The following STK3 variants were observed in gnomAD, a reference collection of about 807,000 sequenced individuals.
The protein encoded by STK3 is serine/threonine kinase 3, also known as serine/threonine-protein kinase 3.
In STK3, 41 loss-of-function variants were observed where a neutral mutation model predicts 58.0. The ratio of observed to expected loss-of-function variants is 0.71; its 90% CI spans 0.55 to 0.92. The LOEUF (loss-of-function observed/expected upper bound fraction) is 0.92. STK3 is among the 40% of genes least tolerant of loss of function. STK3 has a pLI of 0.00. For synonymous variants in STK3, 170 were observed against 191.0 expected, an observed-to-expected ratio of 0.89 and a Z score of 0.91; for missense variants, 479 against 602.7, an observed-to-expected ratio of 0.79 and a Z score of 2.15.
intron 3 of STK3, among the ~76,000 whole-genome samples, chr8:98,424,488 T>C (rs1227604607): frequency 6.6e-6 from 1 of 151,256 alleles, no homozygotes; most frequent in African/African-American, 2.4e-5. Flanking sequence ...GGGCAAGGAG[T>C]GGCCTCTGTT....
At chr8:98,744,054 T>C (rs974773075) in intron 4 of STK3, among the ~76,000 whole-genome samples, 1 of 151,928 alleles carries the variant, frequency 6.6e-6, no homozygotes, top group African/African-American at 2.4e-5. Context: ...CCAGTTAGAA[T>C]GGCAATCATT....
chr8:98,652,941 A>G (rs1821084436), intron 6 of STK3, among the ~76,000 whole-genome samples: 1 of 152,186 alleles, frequency 6.6e-6, no homozygotes, highest in African/African-American at 2.4e-5. Flanking sequence ...AAAGTTAATA[A>G]GCATACCCAG....
At chr8:98,760,745 T>C (rs1830567367) in intron 3 of STK3, among the ~76,000 whole-genome samples, 1 of 151,940 alleles carries the variant, frequency 6.6e-6, no homozygotes, top group Non-Finnish European at 1.5e-5. Context: ...CTTCTGGGCT[T>C]CCTCTCATCT....
intron 7 of STK3, among the ~76,000 whole-genome samples, chr8:98,585,423 T>C (rs1477919361): frequency 6.6e-6 from 1 of 150,768 alleles, no homozygotes; most frequent in African/African-American, 2.4e-5. Context: ...CGGCATTATT[T>C]CTAAGGGCTC....
At chr8:98,794,731 T>C (rs1833017668) in intron 1 of STK3, among the ~76,000 whole-genome samples, 3 of 151,870 alleles carry the variant, frequency 2.0e-5, no homozygotes. Flanking sequence ...TACAAACCAA[T>C]ATCCCTGATG....
chr8:98,385,028 G>A (rs1289830940), intron 1 of STK3, among the ~76,000 whole-genome samples: 2 of 152,162 alleles, frequency 1.3e-5, no homozygotes, highest in Non-Finnish European at 2.9e-5. Context: ...CTTCAAGGGA[G>A]GGTTGTTAAA....
chr8:98,806,454 A>G (rs1412732011), intron 1 of STK3, among the ~76,000 whole-genome samples: 2 of 152,246 alleles, frequency 1.3e-5, no homozygotes, highest in African/African-American at 4.8e-5. Context: ...GAAATGGCCA[A>G]TGGGGATATT....
At chr8:98,382,602 G>C (rs912597662) in intron 1 of STK3, among the ~76,000 whole-genome samples, 3 of 152,058 alleles carry the variant, frequency 2.0e-5, no homozygotes, top group Admixed American at 1.3e-4. Context: ...TCAGACTTGA[G>C]AGACCTGCCC....
chr8:98,630,200 CTG>C lies in STK3; in HGVS notation c.685-34033_685-34032del, dbSNP rs1340278897. 4.6e-5 allele frequency among the ~76,000 whole-genome samples: 7 copies of C among 152,170 alleles called. No individual in the cohort carries two copies. The East Asian group carries it at 1.4e-3, about 29-fold the overall frequency. ...GTGCCATGCCCTCTCCACTTAGAAACTGTATCAATCTTTTCAATGGCAGTTGT... is the reference window on the plus strand; with the variant it reads ...GTGCCATGCCCTCTCCACTTAGAAACTATCAATCTTTTCAATGGCAGTTGT... On this transcript the variant is annotated intron_variant, in intron 6 of 10. Coordinates refer to ENST00000419617, the MANE Select transcript of STK3 (RefSeq NM_006281.4).
chr8:98,580,741 G>A (rs1390552971), intron 7 of STK3, among the ~76,000 whole-genome samples: 1 of 152,088 alleles, frequency 6.6e-6, no homozygotes, highest in East Asian at 1.9e-4. Context: ...GCCTTCCTAA[G>A]TGCTGGGAAT....
At position 98,428,801 on chromosome 8, in the gene STK3, T is replaced by G. The variant is rs552280606; in HGVS notation, n.483+5326A>C. ...TGTCCATCGTCCCCTTTTACATCAC[T>G]CTGGTGGTGAACCTGGTGGTGGAGA... is the stretch of plus-strand genomic sequence containing the variant. On this transcript the variant is annotated intron_variant and non_coding_transcript_variant, in intron 3 of 3. Transcript: ENST00000517832. The surrounding 1 kb of genome is among the most constrained non-coding windows in gnomAD (Gnocchi z 6.7). 148 of 1,614,144 alleles carry G rather than the reference T, an allele frequency of 9.2e-5. 1 individual carries two copies. In the South Asian group the frequency reaches 1.4e-3, roughly 15 times the overall value.
chr8:98,487,766 G>A (rs951593464), intron 10 of STK3, among the ~76,000 whole-genome samples: 3 of 152,200 alleles, frequency 2.0e-5, no homozygotes, highest in African/African-American at 7.2e-5. Flanking sequence ...CAATCCTCAC[G>A]TCCCCCACTC....
At chr8:98,920,744 T>G (rs1839527719) in intron 1 of STK3, among the ~76,000 whole-genome samples, 1 of 152,224 alleles carries the variant, frequency 6.6e-6, no homozygotes, top group Non-Finnish European at 1.5e-5. Context: ...CTCCAGCCCC[T>G]GGAGAAGCAG....
At chr8:98,491,451 G>T (rs1364286718) in intron 10 of STK3, among the ~76,000 whole-genome samples, 1 of 151,054 alleles carries the variant, frequency 6.6e-6, no homozygotes, top group East Asian at 1.9e-4. Flanking sequence ...TTTTGCGGGG[G>T]TGGGGCAGGG....
At chr8:98,709,258 T>C (rs1412951289) in intron 4 of STK3, among the ~76,000 whole-genome samples, 1 of 152,118 alleles carries the variant, frequency 6.6e-6, no homozygotes, top group Admixed American at 6.5e-5. Flanking sequence ...ACTGAGAAGC[T>C]ACTTTAGATT....
chr8:98,699,969 T>C (rs895066548), intron 6 of STK3, among the ~76,000 whole-genome samples: 3 of 152,204 alleles, frequency 2.0e-5, no homozygotes, highest in African/African-American at 7.2e-5. Flanking sequence ...CCTCCAGAGG[T>C]GAAGCCTACA....
chr8:98,398,721 G>T (rs1016987599), downstream of STK3, among the ~76,000 whole-genome samples: 4 of 152,198 alleles, frequency 2.6e-5, no homozygotes, highest in African/African-American at 9.7e-5. Flanking sequence ...ATGCTTGGCA[G>T]CTGGAGTCAC....
intron 3 of STK3, among the ~76,000 whole-genome samples, chr8:98,409,464 G>T (rs1170172987): frequency 6.6e-6 from 1 of 152,160 alleles, no homozygotes. Context: ...AGGCAACTCT[G>T]CCATCGACAT....
At position 98,800,657 on chromosome 8, in the gene STK3, G is replaced by A. The variant is rs1185698227; in HGVS notation, c.26+24858C>T. Among the ~76,000 whole-genome samples, 1 of 152,240 alleles carries A rather than the reference G, an allele frequency of 6.6e-6. No individual in the cohort carries two copies. Among genetic ancestry groups the A allele is most frequent in the African/African-American group, 2.4e-5 (1 of 41,472 alleles). On this transcript the variant is annotated intron_variant, in intron 1 of 10. Coordinates refer to ENST00000419617, the MANE Select transcript of STK3 (RefSeq NM_006281.4). This position sits in a 1 kb window ranked among gnomAD's most constrained non-coding sequence, Gnocchi z 4.8. ...GCCAGCACGAGTTCCGGGTGGGTGT[G>A]GGCTTGATGGGCCCCGCACTCAGAG...
Sources: gnomAD v4.1 joint callset for allele counts (sites outside exome capture counted in the v4.1 genomes callset) on GRCh38, gnomAD v4.1.1 for gene constraint, Gnocchi (gnomAD v3.1) non-coding constraint, MANE v1.5 for transcripts, NCBI Gene and HGNC (gene_info 2026-07-23, HGNC 2026-07-21) for gene names.